Variants in FREM2 observed in about 807,000 individuals in gnomAD.
FREM2 encodes the protein FRAS1-related extracellular matrix protein 2.
FREM2 carries 119 observed loss-of-function variants against 219.9 expected under a neutral mutation model. The ratio of observed to expected loss-of-function variants is 0.54; its 90% CI spans 0.47 to 0.63. The LOEUF (loss-of-function observed/expected upper bound fraction) is 0.63. FREM2 is among the 30% of genes least tolerant of loss of function. The probability of loss-of-function intolerance (pLI) is 0.00; values close to 1 mark genes in which losing one functional copy is unlikely to be tolerated. For missense variants in FREM2, 4,030 were observed against 3,993.6 expected (o/e 1.01, Z -0.25); for synonymous variants, 1,562 against 1,522.8 (o/e 1.03, Z -0.60).
At chr13:38,851,612 A>G (rs1877373079) in intron 10 of FREM2, 74 bp from the exon 11 acceptor site, 1 of 1,188,338 alleles carries the variant, frequency 8.4e-7, no homozygotes, top group Non-Finnish European at 1.3e-6. Flanking sequence ...CCACATGGAA[A>G]CAAACATTAG....
At chr13:38,790,254 C>T (rs980169620) in intron 6 of FREM2, among the ~76,000 whole-genome samples, 14 of 152,118 alleles carry the variant, frequency 9.2e-5, no homozygotes, top group African/African-American at 3.1e-4. Flanking sequence ...AGACTTTATT[C>T]GTGGGGTTTC....
At chr13:38,730,386 G>A (rs577940048) in intron 2 of FREM2, among the ~76,000 whole-genome samples, 18 of 152,284 alleles carry the variant, frequency 1.2e-4, no homozygotes, top group African/African-American at 3.8e-4. Flanking sequence ...ATTTGAGAAC[G>A]TAACATATGG....
rs376196475 is a variant in FREM2, at chr13:38,783,207, T to G, written c.5767+12T>G. ...TTATACCCAACAAGGTAGCTCGATT[T>G]GCCGAAAAACTAAGATAACCCCCAA... On this transcript the variant is annotated intron_variant, in intron 5 of 23. Transcript: ENST00000280481. 7 of 1,614,054 alleles carry G rather than the reference T, an allele frequency of 4.3e-6. No homozygotes were observed. Among genetic ancestry groups the G allele is most frequent in the African/African-American group, 4.0e-5 (3 of 75,054 alleles).
At chr13:38,859,190 G>A in intron 13 of FREM2, 97 bp from the exon 14 acceptor site, 2 of 1,186,524 alleles carry the variant, frequency 1.7e-6, no homozygotes. Context: ...GGAAATTGGG[G>A]AAAGCAGCAG....
chr13:38,810,520 A>G (rs1223836368), intron 6 of FREM2, among the ~76,000 whole-genome samples: 1 of 151,974 alleles, frequency 6.6e-6, no homozygotes, highest in African/African-American at 2.4e-5. Flanking sequence ...TGAGGGTTTT[A>G]TCATGAAGGA....
At chr13:38,825,260 T>C (rs1403526583) in intron 6 of FREM2, among the ~76,000 whole-genome samples, 1 of 152,078 alleles carries the variant, frequency 6.6e-6, no homozygotes, top group Non-Finnish European at 1.5e-5. Flanking sequence ...ATCCCCAGTA[T>C]GGAGCACAGT....
At chr13:38,697,558 T>G (rs926902759) in intron 1 of FREM2, 140 bp from the exon 2 acceptor site, 34 of 660,018 alleles carry the variant, frequency 5.2e-5, no homozygotes, top group Non-Finnish European at 9.0e-5. Flanking sequence ...ATCTGAGAAA[T>G]AAGACAGCAC....
intron 5 of FREM2, among the ~76,000 whole-genome samples, chr13:38,783,504 T>C (rs909645091): frequency 6.8e-6 from 1 of 147,210 alleles, no homozygotes; most frequent in Non-Finnish European, 1.5e-5. Context: ...AGAGGCAAAG[T>C]GATGCGTGCC....
intron 4 of FREM2, among the ~76,000 whole-genome samples, chr13:38,770,441 A>T (rs553863277): frequency 1.3e-5 from 2 of 152,036 alleles, no homozygotes; most frequent in Non-Finnish European, 2.9e-5. Context: ...CTATCATTTA[A>T]TATTGCTCAT....
In FREM2 at chr13:38,769,820, C is replaced by T. The variant is rs777475775; in HGVS notation, c.5641+12C>T. 1.3e-5 allele frequency: 21 copies of T among 1,595,148 alleles called. No individual in the cohort carries two copies. The East Asian group carries it at 1.8e-4, about 14-fold the overall frequency. On this transcript the variant is annotated intron_variant, in intron 4 of 23. Coordinates refer to ENST00000280481, the MANE Select transcript of FREM2 (RefSeq NM_207361.6). ...TGATCCAGGAGATGGTAAGAGCCAT[C>T]GTCAACTGGTTTATGTTGTTGCTGT...
chr13:38,813,509 T>C (rs1480695863), intron 6 of FREM2, among the ~76,000 whole-genome samples: 1 of 14,838 alleles, frequency 6.7e-5, no homozygotes, highest in Admixed American at 1.1e-3. Context: ...TCTCTCTCTC[T>C]CTCTCTCTCC....
chr13:38,869,849 C>T (rs1878099875), intron 16 of FREM2, among the ~76,000 whole-genome samples: 1 of 152,132 alleles, frequency 6.6e-6, no homozygotes, highest in African/African-American at 2.4e-5. Flanking sequence ...CTCTTGAAAA[C>T]AATTTTTTAA....
intron 6 of FREM2, among the ~76,000 whole-genome samples, chr13:38,831,011 C>T (rs1303707442): frequency 4.6e-5 from 7 of 152,036 alleles, no homozygotes; most frequent in African/African-American, 2.4e-5. Context: ...GTTTTAAAAC[C>T]CCTCGGGTAC....
chr13:38,837,775 G>GTTTTTTTTTTTTTTTT lies in FREM2; in HGVS notation c.6020-8794_6020-8793insTTTTTTTTTTTTTTTT, dbSNP rs1555270912. 1.3e-4 allele frequency among the ~76,000 whole-genome samples: 17 copies of GTTTTTTTTTTTTTTTT among 128,888 alleles called. 1 individual carries two copies. The highest frequency in any genetic ancestry group is 4.3e-4 in the Admixed American group (5 of 11,604). The allele number at this position is 128,888 out of a possible 152,430, so 84.6% of individuals were successfully genotyped here. A position where few individuals can be genotyped will look rare whatever the true frequency, so the allele number is the denominator to read the frequency against. On this transcript the variant is annotated intron_variant, in intron 6 of 23. Transcript: ENST00000280481. ...GGATTGCAACCCCTGGTTTTTTTTT[G>GTTTTTTTTTTTTTTTT]TTTTGTTTTGTTTTGTTTTTGCTTT... is the stretch of plus-strand genomic sequence containing the variant.
intron 2 of FREM2, among the ~76,000 whole-genome samples, chr13:38,724,648 C>T (rs1368878903): frequency 1.3e-5 from 2 of 152,084 alleles, no homozygotes; most frequent in Admixed American, 6.6e-5. Flanking sequence ...TTATTTGAAG[C>T]CATGGAGGCT....
At chr13:38,830,926 C>A (rs1056767078) in intron 6 of FREM2, among the ~76,000 whole-genome samples, 4 of 152,158 alleles carry the variant, frequency 2.6e-5, no homozygotes, top group African/African-American at 7.2e-5. Flanking sequence ...TGTACATTCA[C>A]CTGAAACAGT....
chr13:38,716,816 C>A (rs1871022371), intron 2 of FREM2, among the ~76,000 whole-genome samples: 1 of 152,162 alleles, frequency 6.6e-6, no homozygotes, highest in Admixed American at 6.6e-5. Context: ...CCTGCTCTTT[C>A]TTATCTTCCC....
At chr13:38,711,258 A>G (rs184543352) in intron 2 of FREM2, among the ~76,000 whole-genome samples, 5 of 152,308 alleles carry the variant, frequency 3.3e-5, no homozygotes, top group African/African-American at 9.6e-5. Flanking sequence ...GCCAGTATGT[A>G]TGTGGTAAAA....
chr13:38,850,242 T>C lies in FREM2; in HGVS notation c.6577+7T>C. 2 of 1,613,398 alleles carry C rather than the reference T, an allele frequency of 1.2e-6. No individual in the cohort carries two copies. The highest frequency in any genetic ancestry group is 1.7e-6 in the Non-Finnish European group (2 of 1,179,448). ...ATCATCACATTCCTCCCTGGTAAGC[T>C]TGAACTTGAAATTTTTTCGTGAAAT... On this transcript the variant is annotated splice_region_variant and intron_variant, in intron 9 of 23. Coordinates refer to ENST00000280481, the MANE Select transcript of FREM2 (RefSeq NM_207361.6).
Sources: gnomAD v4.1 joint callset for allele counts (sites outside exome capture counted in the v4.1 genomes callset) on GRCh38, gnomAD v4.1.1 for gene constraint, MANE v1.5 for transcripts, NCBI Gene and HGNC (gene_info 2026-07-23, HGNC 2026-07-21) for gene names.